EYS: variants seen among roughly 807,000 people sequenced by gnomAD.
EYS encodes the protein EGF-like photoreceptor maintenance factor.
Under a neutral mutation model 282.1 loss-of-function variants are expected in EYS, and 250 were observed. The ratio of observed to expected loss-of-function variants is 0.89; its 90% CI spans 0.80 to 0.98. EYS has a LOEUF of 0.98. Among genes scored for constraint, EYS ranks in the 50% least tolerant of loss-of-function variants. The pLI is 0.00. For synonymous variants in EYS, 1,355 were observed against 1,282.9 expected (o/e 1.06, Z -1.20); for missense variants, 4,016 against 3,709.0 (o/e 1.08, Z -2.15).
At chr6:64,744,837 A>T (rs2149964104) in intron 22 of EYS, among the ~76,000 whole-genome samples, 1 of 152,302 alleles carries the variant, frequency 6.6e-6, no homozygotes, top group South Asian at 2.1e-4. Flanking sequence ...ATAATATTTG[A>T]CAAAAATTGC....
intron 14 of EYS, among the ~76,000 whole-genome samples, chr6:64,971,215 C>A (rs2150111166): frequency 6.6e-6 from 1 of 152,024 alleles, no homozygotes; most frequent in East Asian, 1.9e-4. Context: ...GAGGCAGCAG[C>A]AGAGTTCCCA....
intron 13 of EYS, among the ~76,000 whole-genome samples, chr6:65,015,717 AAAT>A (rs1772023721): frequency 6.6e-6 from 1 of 151,868 alleles, no homozygotes; most frequent in African/African-American, 2.4e-5. Flanking sequence ...TCAATTCAGA[AAAT>A]AAAAAATGCT....
At chr6:65,406,870 T>C (rs1166731156) in intron 5 of EYS, among the ~76,000 whole-genome samples, 1 of 152,176 alleles carries the variant, frequency 6.6e-6, no homozygotes, top group African/African-American at 2.4e-5. Flanking sequence ...TATAGCTATA[T>C]AGTAGGTTTT....
At chr6:64,742,197 TAGAG>T (rs144110328) in intron 22 of EYS, among the ~76,000 whole-genome samples, 7,067 of 152,154 alleles carry the variant, frequency 0.046, 220 homozygotes, top group East Asian at 0.18. Context: ...TCTCACCAAA[TAGAG>T]AGATTTGAGG....
At chr6:65,561,071 G>A (rs1449790738) in intron 2 of EYS, among the ~76,000 whole-genome samples, 4 of 151,872 alleles carry the variant, frequency 2.6e-5, no homozygotes, top group East Asian at 3.9e-4. Flanking sequence ...TGTATCTTGC[G>A]GACAATACTA....
At chr6:65,523,194 T>C (rs1767435343) in intron 2 of EYS, among the ~76,000 whole-genome samples, 1 of 152,146 alleles carries the variant, frequency 6.6e-6, no homozygotes. Flanking sequence ...AATGTATTCT[T>C]TAATTACCTA....
chr6:65,025,169 C>G (rs1772368676), intron 13 of EYS, among the ~76,000 whole-genome samples: 1 of 152,154 alleles, frequency 6.6e-6, no homozygotes, highest in Admixed American at 6.5e-5. Flanking sequence ...AATCAATATG[C>G]ATTACCCACA....
intron 2 of EYS, among the ~76,000 whole-genome samples, chr6:65,520,887 A>G (rs529879497): frequency 1.3e-5 from 2 of 152,164 alleles, no homozygotes; most frequent in South Asian, 4.1e-4. Context: ...TTAGTGCTTG[A>G]TTGCATATTT....
At chr6:63,750,199 G>T (rs1176507275) in intron 41 of EYS, among the ~76,000 whole-genome samples, 1 of 152,080 alleles carries the variant, frequency 6.6e-6, no homozygotes, top group African/African-American at 2.4e-5. Flanking sequence ...AACATATTGA[G>T]ATCCTTGTGA....
chr6:64,088,404 T>C (rs910664470), intron 31 of EYS, among the ~76,000 whole-genome samples: 2 of 152,018 alleles, frequency 1.3e-5, no homozygotes, highest in African/African-American at 2.4e-5. Flanking sequence ...TACTCTGCAA[T>C]GTTTGAATGT....
intron 26 of EYS, among the ~76,000 whole-genome samples, chr6:64,508,608 T>C (rs2150517228): frequency 6.7e-6 from 1 of 149,252 alleles, no homozygotes; most frequent in African/African-American, 2.4e-5. Flanking sequence ...TGGACTCAAG[T>C]GCCTGTTGCA....
intron 26 of EYS, among the ~76,000 whole-genome samples, chr6:64,544,093 A>G (rs1764772567): frequency 6.6e-6 from 1 of 152,176 alleles, no homozygotes; most frequent in Admixed American, 6.5e-5. Flanking sequence ...CAATCACTTA[A>G]CAGTTTGAGT....
chr6:65,090,063 T>C (rs1456704497), intron 12 of EYS, among the ~76,000 whole-genome samples: 1 of 151,668 alleles, frequency 6.6e-6, no homozygotes, highest in Non-Finnish European at 1.5e-5. Flanking sequence ...ATAATTCTGT[T>C]TTGAAATATG....
intron 36 of EYS, among the ~76,000 whole-genome samples, chr6:63,841,022 A>G (rs1771942669): frequency 6.6e-6 from 1 of 152,214 alleles, no homozygotes; most frequent in Non-Finnish European, 1.5e-5. Flanking sequence ...TTCAACTTAA[A>G]CAGATAATTT....
At chr6:64,061,557 C>G (rs1016521594) in intron 33 of EYS, among the ~76,000 whole-genome samples, 3 of 152,186 alleles carry the variant, frequency 2.0e-5, no homozygotes, top group African/African-American at 7.2e-5. Context: ...TTCTACTTCT[C>G]CCTTCTGTCC....
chr6:64,592,994 T>A (rs965524603), intron 25 of EYS, 123 bp downstream of exon 25: 1 of 670,980 alleles, frequency 1.5e-6, no homozygotes, highest in Admixed American at 4.0e-5. Context: ...AATGCTTAAT[T>A]TTACACCCCT....
intron 12 of EYS, among the ~76,000 whole-genome samples, chr6:65,266,188 A>G (rs1208073159): frequency 2.0e-5 from 3 of 151,922 alleles, no homozygotes; most frequent in Non-Finnish European, 4.4e-5. Flanking sequence ...CAATCAACTT[A>G]AGATTATGAT....
intron 2 of EYS, among the ~76,000 whole-genome samples, chr6:65,612,060 C>G (rs1766020856): frequency 6.6e-6 from 1 of 151,454 alleles, no homozygotes; most frequent in African/African-American, 2.4e-5. Flanking sequence ...CTAGCAAAGT[C>G]CAAAAGAACA....
At position 64,151,311 on chromosome 6, in the gene EYS, GTATA is replaced by G. The variant is rs1262887344; in HGVS notation, c.6425-69313_6425-69310del. Among the ~76,000 whole-genome samples the G allele has an allele frequency of 5.0e-3, 434 of 87,124 alleles. 7 individuals carry two copies. Among genetic ancestry groups the G allele is most frequent in the Admixed American group, 0.036 (244 of 6,850 alleles). The allele number at this position is 87,124 out of a possible 152,430, so 57.2% of individuals were successfully genotyped here. The stretch of plus-strand genomic sequence containing the variant: ...TATATGTTTTCACACGTGTGTGTGT[GTATA>G]TTTATATATATATATATATATATAT... On this transcript the variant is annotated intron_variant, in intron 31 of 42. Transcript: ENST00000503581.
Sources: allele counts gnomAD v4.1 joint callset (sites outside exome capture counted in the v4.1 genomes callset), GRCh38; gene constraint gnomAD v4.1.1; transcripts MANE v1.5; gene names NCBI Gene and HGNC (gene_info 2026-07-23, HGNC 2026-07-21).